Variants in TTLL4 observed in about 807,000 individuals in gnomAD.
The protein encoded by TTLL4 is tubulin tyrosine ligase like 4, also known as tubulin monoglutamylase TTLL4.
Under a neutral mutation model 122.7 loss-of-function variants are expected in TTLL4, and 85 were observed. The ratio of observed to expected loss-of-function variants is 0.69; its 90% CI spans 0.58 to 0.83. The LOEUF (loss-of-function observed/expected upper bound fraction) is 0.83, where lower values mean the gene tolerates loss of function less well. TTLL4 is among the 40% of genes least tolerant of loss of function. The pLI is 0.00. For missense variants in TTLL4, 1,363 were observed against 1,488.6 expected (o/e 0.92, Z 1.39); for synonymous variants, 553 against 563.0 (o/e 0.98, Z 0.25).
At position 218,738,376 on chromosome 2, in the gene TTLL4, C is replaced by A. The variant is rs750803954; in HGVS notation, c.700C>A (p.Gln234Lys). Reference sequence around the variant, plus strand: ...AAATAGCACGCCAGTGCCTTTATTGCAGACCACACAGGGCCTGAAGCCAGT... The same window carrying A: ...AAATAGCACGCCAGTGCCTTTATTGAAGACCACACAGGGCCTGAAGCCAGT... ...WPNSTPVPLL[Q>K]TTQGLKPVSP... The change falls in exon 3 of 20, where the codon CAG becomes AAG. Residue 234 changes from glutamine to lysine, a missense_variant. Physicochemically the swap from Gln to Lys is moderately conservative, Grantham distance 53 (BLOSUM62 1). Transcript: ENST00000392102. 6.2e-7 allele frequency: 1 copy of A among 1,614,156 alleles called. No individual in the cohort carries two copies. Among genetic ancestry groups the A allele is most frequent in the Non-Finnish European group, 8.5e-7 (1 of 1,180,040 alleles).
At position 218,751,712 on chromosome 2, in the gene TTLL4, C is replaced by G; in HGVS notation, c.2882C>G (p.Thr961Ser). ...TCTGGCCTCTGCCGTAGCCTGCCCACCTCCCCTGGGGACAAATGTCGAATG... is the reference window on the plus strand; with the variant it reads ...TCTGGCCTCTGCCGTAGCCTGCCCAGCTCCCCTGGGGACAAATGTCGAATG... ...SCSSSTTSLP[T>S]SPGDKCRMAP... Residue 961 changes from threonine (T) to serine (S), a missense_variant, in exon 16 of 20, where the codon ACC (threonine) becomes AGC (serine). By Grantham distance (58) the Thr-to-Ser change is moderately conservative (BLOSUM62 1). Transcript: ENST00000392102. The G allele has an allele frequency of 1.2e-6, 2 of 1,612,898 alleles. No individual in the cohort carries two copies. Among genetic ancestry groups the G allele is most frequent in the Non-Finnish European group, 8.5e-7 (1 of 1,179,244 alleles).
At chr2:218,751,341 G>A (rs1943008684) in intron 15 of TTLL4, among the ~76,000 whole-genome samples, 1 of 152,138 alleles carries the variant, frequency 6.6e-6, no homozygotes, top group African/African-American at 2.4e-5. Flanking sequence ...GTGAAGGGAG[G>A]TTAAGTCAGT....
chr2:218,740,613 C>A (rs932034527), intron 5 of TTLL4, 29 bp downstream of exon 5: 1 of 1,610,536 alleles, frequency 6.2e-7, no homozygotes, highest in Non-Finnish European at 8.5e-7. Flanking sequence ...ATCATTGTTA[C>A]ATGCTCATCT....
chr2:218,748,462 C>G, intron 12 of TTLL4: 1 of 560,368 alleles, frequency 1.8e-6, no homozygotes. Flanking sequence ...CAGGACCAGC[C>G]TGGCCAACAT....
At chr2:218,757,587 A>C (rs547514221), downstream of TTLL4, among the ~76,000 whole-genome samples, 41 of 152,270 alleles carry the variant, frequency 2.7e-4, 1 homozygote, top group Admixed American at 5.9e-4. Context: ...GGACCCAAAG[A>C]GCAGATATAT....
chr2:218,734,763 AG>A (rs1942470637), intron 2 of TTLL4, among the ~76,000 whole-genome samples: 1 of 152,210 alleles, frequency 6.6e-6, no homozygotes, highest in Non-Finnish European at 1.5e-5. Flanking sequence ...TTCCCGAAAG[AG>A]GATTAAGTGA....
In TTLL4 at chr2:218,747,436, T is replaced by A; in HGVS notation, c.2249+64T>A. 30 of 1,591,522 alleles carry A rather than the reference T, an allele frequency of 1.9e-5. No individual in the cohort carries two copies. Among genetic ancestry groups the A allele is most frequent in the Non-Finnish European group, 2.6e-5 (30 of 1,166,300 alleles). On this transcript the variant is annotated intron_variant, in intron 10 of 19. Coordinates refer to ENST00000392102, the MANE Select transcript of TTLL4 (RefSeq NM_014640.5). The surrounding 1 kb of genome is among the most constrained non-coding windows in gnomAD (Gnocchi z 4.7). ...CCTCCTTGGCCTCGAGGTTCCCTTC[T>A]TACAATGTTCTGCCCTTTGTTCTCC...
At chr2:218,758,081 CAG>C, downstream of TTLL4, among the ~76,000 whole-genome samples, 1 of 152,166 alleles carries the variant, frequency 6.6e-6, no homozygotes, top group Non-Finnish European at 1.5e-5. Context: ...GGATCTATGC[CAG>C]CTCATTTGGC....
At position 218,755,205 on chromosome 2, in the gene TTLL4, G is replaced by A. The variant is rs1340539787; in HGVS notation, c.*816G>A. ...TCAAAGGACACAGTCCAGGGGGAGG[G>A]TGGAAGGAGATGTGGTTTCTCTATA... On this transcript the variant is annotated 3_prime_UTR_variant, in exon 20 of 20. Transcript: ENST00000392102. The A allele has an allele frequency of 2.0e-5, 3 of 152,180 alleles. No individual in the cohort carries two copies. Among genetic ancestry groups the A allele is most frequent in the Non-Finnish European group, 4.4e-5 (3 of 68,066 alleles). The allele number at this position is 152,180 out of a possible 1,614,324, so 9.4% of individuals were successfully genotyped here.
chr2:218,741,641 T>C (rs901619924), intron 5 of TTLL4, among the ~76,000 whole-genome samples: 3 of 152,152 alleles, frequency 2.0e-5, no homozygotes, highest in African/African-American at 7.2e-5. Context: ...GATGCATAAA[T>C]TGTCACTTTC....
chr2:218,731,411 CAA>C (rs892504493), intron 2 of TTLL4, among the ~76,000 whole-genome samples: 1 of 137,720 alleles, frequency 7.3e-6, no homozygotes, highest in Non-Finnish European at 1.6e-5. Context: ...ACTCTGTTTC[CAA>C]AAAAAAAAAA....
chr2:218,741,753 C>T (rs1330359290), intron 5 of TTLL4, among the ~76,000 whole-genome samples: 1 of 152,150 alleles, frequency 6.6e-6, no homozygotes, highest in Non-Finnish European at 1.5e-5. Context: ...AGATATTTGA[C>T]ATGTAATTGA....
intron 1 of TTLL4, among the ~76,000 whole-genome samples, chr2:218,711,948 C>G (rs992794123): frequency 1.3e-5 from 2 of 151,314 alleles, no homozygotes; most frequent in African/African-American, 4.8e-5. Flanking sequence ...CCATCCCATC[C>G]TTCTGTTTCT....
At chr2:218,727,056 A>G (rs1309716904) in intron 1 of TTLL4, among the ~76,000 whole-genome samples, 3 of 147,028 alleles carry the variant, frequency 2.0e-5, no homozygotes, top group Non-Finnish European at 4.5e-5. Flanking sequence ...TGATCCACCC[A>G]CCTCGGCCTC....
intron 1 of TTLL4, among the ~76,000 whole-genome samples, chr2:218,721,480 A>G (rs1942038369): frequency 1.3e-5 from 2 of 152,228 alleles, no homozygotes; most frequent in Non-Finnish European, 2.9e-5. Flanking sequence ...TTAACCTGTG[A>G]GATCTGATGC....
At chr2:218,750,255 GCT>G (rs890201066) in intron 15 of TTLL4, 109 bp downstream of exon 15, 33 of 1,454,948 alleles carry the variant, frequency 2.3e-5, no homozygotes, top group Admixed American at 8.9e-5. Flanking sequence ...TCCCCTTGCT[GCT>G]CAATCTTGCC....
In TTLL4 at chr2:218,755,308, C is replaced by G. The variant is rs1163457880; in HGVS notation, c.*919C>G. 1 of 152,250 alleles carries G rather than the reference C, an allele frequency of 6.6e-6. No individual in the cohort carries two copies. The highest frequency in any genetic ancestry group is 1.9e-4 in the East Asian group (1 of 5,198). 9.4% of individuals were successfully genotyped at this position (152,250 alleles called of 1,614,324 possible). On this transcript the variant is annotated 3_prime_UTR_variant, in exon 20 of 20. Coordinates refer to ENST00000392102, the MANE Select transcript of TTLL4 (RefSeq NM_014640.5). ...CGGCTTGGTAGGTGGGTTTCAGGAGCAGTCACTATTGTAGGATGGGCTTCC... is the reference window on the plus strand; with the variant it reads ...CGGCTTGGTAGGTGGGTTTCAGGAGGAGTCACTATTGTAGGATGGGCTTCC...
rs752969263 is a variant in TTLL4 at position 218,753,201 on chromosome 2, G to A, written c.3258+16G>A. 288 of 1,613,944 alleles carry A rather than the reference G, an allele frequency of 1.8e-4. No homozygotes were observed. The highest frequency in any genetic ancestry group is 1.2e-3 in the Middle Eastern group (7 of 5,964). On this transcript the variant is annotated intron_variant, in intron 18 of 19. Coordinates refer to ENST00000392102, the MANE Select transcript of TTLL4 (RefSeq NM_014640.5). The stretch of plus-strand genomic sequence containing the variant: ...TGCTCCAGTGGTGAGTGCTGCCAGT[G>A]TGGAGGACAGCTCCTTCTCAGGCCC...
intron 2 of TTLL4, among the ~76,000 whole-genome samples, chr2:218,729,658 G>A (rs551921088): frequency 2.8e-4 from 41 of 148,738 alleles, no homozygotes; most frequent in Non-Finnish European, 5.2e-4. Context: ...TATTGATTGT[G>A]TATTCTGTGA....
Sources: gnomAD v4.1 joint callset for allele counts (sites outside exome capture counted in the v4.1 genomes callset) on GRCh38, gnomAD v4.1.1 for gene constraint, Gnocchi (gnomAD v3.1) non-coding constraint, MANE v1.5 for transcripts, NCBI Gene and HGNC (gene_info 2026-07-23, HGNC 2026-07-21) for gene names.